Variants in COL14A1 observed in about 807,000 individuals in gnomAD.
COL14A1 encodes the protein collagen type XIV alpha 1 chain.
COL14A1 carries 136 observed loss-of-function variants against 230.3 expected under a neutral mutation model. That is an observed-to-expected ratio of 0.59 (90% CI 0.51 to 0.68). The LOEUF is 0.68. Ranked by LOEUF, COL14A1 falls within the 30% of genes least tolerant of loss-of-function variation. The probability of loss-of-function intolerance (pLI) is 0.00; values close to 1 mark genes in which losing one functional copy is unlikely to be tolerated. For synonymous variants in COL14A1, 792 were observed against 784.1 expected, an observed-to-expected ratio of 1.01 and a Z score of -0.17; for missense variants, 1,976 against 2,215.8, an observed-to-expected ratio of 0.89 and a Z score of 2.17.
chr8:120,258,618 T>G (rs1020310790), intron 23 of COL14A1, among the ~76,000 whole-genome samples: 13 of 152,126 alleles, frequency 8.5e-5, no homozygotes, highest in African/African-American at 2.9e-4. Flanking sequence ...ATGTAAATAT[T>G]ATGACATTTT....
intron 36 of COL14A1, among the ~76,000 whole-genome samples, chr8:120,302,917 GA>G (rs1453389775): frequency 6.6e-6 from 1 of 152,048 alleles, no homozygotes; most frequent in Non-Finnish European, 1.5e-5. Context: ...TGATTTCTTT[GA>G]GCAGTGTTAT....
chr8:120,272,685 GA>G (rs1313422584), intron 26 of COL14A1, among the ~76,000 whole-genome samples: 1 of 150,766 alleles, frequency 6.6e-6, no homozygotes, highest in Non-Finnish European at 1.5e-5. Context: ...AACAATAGTA[GA>G]AAAAAAAGAC....
chr8:120,130,845 G>A (rs1446651527), intron 1 of COL14A1, among the ~76,000 whole-genome samples: 3 of 152,236 alleles, frequency 2.0e-5, no homozygotes, highest in African/African-American at 7.2e-5. Flanking sequence ...GTACCCAAAA[G>A]GTAGTTCTTC....
intron 8 of COL14A1, among the ~76,000 whole-genome samples, chr8:120,203,319 G>A (rs1817317017): frequency 6.7e-6 from 1 of 149,306 alleles, no homozygotes; most frequent in Admixed American, 6.7e-5. Flanking sequence ...ACCAGAAGTG[G>A]GGAGGGTAAC....
Position 120,231,455 on chromosome 8 carries a change from T to C in COL14A1, c.2198-12T>C. The C allele has an allele frequency of 6.2e-7, 1 of 1,612,350 alleles. No homozygotes were observed. Among genetic ancestry groups the C allele is most frequent in the Non-Finnish European group, 8.5e-7 (1 of 1,179,362 alleles). ...TTAAAAGTTTTTTAATCCTTGGTTG[T>C]GTTTATTCCAGTTTTCCAGACGGGA... On this transcript the variant is annotated splice_polypyrimidine_tract_variant and intron_variant, in intron 18 of 47. Transcript: ENST00000297848.
At chr8:120,214,901 C>G (rs1213411857) in intron 13 of COL14A1, among the ~76,000 whole-genome samples, 1 of 152,162 alleles carries the variant, frequency 6.6e-6, no homozygotes, top group Admixed American at 6.5e-5. Context: ...GGCAAAGAAA[C>G]TGGCTATGCG....
intron 25 of COL14A1, among the ~76,000 whole-genome samples, chr8:120,269,683 A>G (rs1563707688): frequency 1.3e-5 from 2 of 151,756 alleles, no homozygotes; most frequent in Non-Finnish European, 3.0e-5. Context: ...ATCAGTTGGC[A>G]CTAGACAGTG....
intron 5 of COL14A1, among the ~76,000 whole-genome samples, chr8:120,188,971 C>A (rs1037856663): frequency 1.3e-5 from 2 of 152,158 alleles, no homozygotes; most frequent in African/African-American, 2.4e-5. Flanking sequence ...TGATTGATGT[C>A]TCTCTAAGAA....
chr8:120,125,689 G>A (rs1814306971), intron 1 of COL14A1, among the ~76,000 whole-genome samples: 1 of 152,144 alleles, frequency 6.6e-6, no homozygotes, highest in African/African-American at 2.4e-5. Context: ...GGCGGCTCCA[G>A]CATTTCCATA....
chr8:120,302,671 C>T (rs573817385), intron 36 of COL14A1, among the ~76,000 whole-genome samples: 9 of 152,170 alleles, frequency 5.9e-5, no homozygotes, highest in African/African-American at 2.2e-4. Context: ...AGTTGCATAA[C>T]ATGATGCTCC....
intron 1 of COL14A1, among the ~76,000 whole-genome samples, chr8:120,135,084 G>A (rs1182459327): frequency 1.3e-5 from 2 of 152,118 alleles, no homozygotes; most frequent in Non-Finnish European, 2.9e-5. Flanking sequence ...GTAAATGAAA[G>A]ATGTGCAGTC....
At chr8:120,337,017 T>C (rs1210289563) in intron 42 of COL14A1, among the ~76,000 whole-genome samples, 1 of 152,174 alleles carries the variant, frequency 6.6e-6, no homozygotes, top group Non-Finnish European at 1.5e-5. Context: ...GGATAGAAAT[T>C]CTATCATATT....
chr8:120,342,263 TAG>T, intron 43 of COL14A1, 115 bp from the exon 44 acceptor site: 2 of 988,766 alleles, frequency 2.0e-6, no homozygotes, highest in Admixed American at 1.9e-5. Flanking sequence ...CACCTGTTGC[TAG>T]GGGCCAAAGA....
intron 4 of COL14A1, among the ~76,000 whole-genome samples, chr8:120,164,685 G>C (rs1157740141): frequency 6.6e-6 from 1 of 151,854 alleles, no homozygotes; most frequent in South Asian, 2.1e-4. Flanking sequence ...GATTCACTTT[G>C]TCTGGGAGCT....
At chr8:120,370,477 C>A in intron 47 of COL14A1, 2 of 1,524,170 alleles carry the variant, frequency 1.3e-6, no homozygotes, top group Middle Eastern at 1.7e-4. Flanking sequence ...ACAATGGACA[C>A]TCTGCTTCCC....
chr8:120,314,001 A>C lies in COL14A1; in HGVS notation c.4525A>C (p.Ser1509Arg), dbSNP rs752157570. ...GGGTCCACCTGGACCTCAAGGACCA[A>C]GTGGTCTGTCCATTCAAGGAATGCC... ...PQGPPGPQGPSGLSIQGMPGM... is the reference protein window; with the variant it reads ...PQGPPGPQGPRGLSIQGMPGM... Residue 1509 changes from serine to arginine, a missense_variant, in exon 38 of 48, where the codon AGT becomes CGT. By Grantham distance (110) the Ser-to-Arg change is moderately radical. This residue lies in a region of COL14A1 where 1,791 missense variants were observed against 2,019.5 expected (regional missense o/e 0.89). Coordinates refer to ENST00000297848, the MANE Select transcript of COL14A1 (RefSeq NM_021110.4). 76 of 1,612,328 alleles carry C rather than the reference A, an allele frequency of 4.7e-5. No homozygotes were observed. The highest frequency in any genetic ancestry group is 6.4e-5 in the Non-Finnish European group (76 of 1,179,292).
chr8:120,338,219 C>G (rs565236315), intron 42 of COL14A1, among the ~76,000 whole-genome samples: 1 of 152,314 alleles, frequency 6.6e-6, no homozygotes, highest in South Asian at 2.1e-4. Flanking sequence ...AAGTTGCACC[C>G]TAATTCTGAA....
intron 25 of COL14A1, 78 bp from the exon 26 acceptor site, chr8:120,269,957 C>T: frequency 6.7e-7 from 1 of 1,487,956 alleles, no homozygotes; most frequent in Non-Finnish European, 9.2e-7. Flanking sequence ...CAGAGGGCAA[C>T]CATTATTTGT....
At chr8:120,291,315 A>T (rs944637350) in intron 34 of COL14A1, among the ~76,000 whole-genome samples, 10 of 152,094 alleles carry the variant, frequency 6.6e-5, no homozygotes, top group Non-Finnish European at 1.2e-4. Flanking sequence ...TAATTTCAGC[A>T]CTTTGGGAGG....
Sources: gnomAD v4.1 joint callset for allele counts (sites outside exome capture counted in the v4.1 genomes callset) on GRCh38, gnomAD v4.1.1 for gene constraint, gnomAD v4.1.1 regional missense constraint, MANE v1.5 for transcripts, NCBI Gene and HGNC (gene_info 2026-07-23, HGNC 2026-07-21) for gene names.